BCAS1: variants seen among roughly 807,000 people sequenced by gnomAD.
BCAS1 encodes breast carcinoma-amplified sequence 1.
BCAS1 carries 46 observed loss-of-function variants against 65.4 expected under a neutral mutation model. That is an observed-to-expected ratio of 0.70 (90% CI 0.55 to 0.90). The LOEUF is 0.90. Among genes scored for constraint, BCAS1 ranks in the 40% least tolerant of loss-of-function variants. The pLI, the probability that BCAS1 is intolerant of heterozygous loss-of-function variation, is 0.00. For missense variants in BCAS1, 793 were observed against 771.2 expected, an observed-to-expected ratio of 1.03 and a Z score of -0.33; for synonymous variants, 298 against 293.5, an observed-to-expected ratio of 1.02 and a Z score of -0.16.
At chr20:53,971,809 C>A (rs2090187048) in intron 9 of BCAS1, among the ~76,000 whole-genome samples, 1 of 152,176 alleles carries the variant, frequency 6.6e-6, no homozygotes, top group Non-Finnish European at 1.5e-5. Flanking sequence ...TACCTGTTTC[C>A]ATGGTCTTAC....
intron 5 of BCAS1, among the ~76,000 whole-genome samples, chr20:53,995,628 G>C (rs539482278): frequency 1.3e-5 from 2 of 152,044 alleles, no homozygotes; most frequent in East Asian, 3.9e-4. Context: ...AATTGCAATA[G>C]AATTCCATTA....
At chr20:54,058,965 G>A (rs2092341741) in intron 1 of BCAS1, among the ~76,000 whole-genome samples, 1 of 152,140 alleles carries the variant, frequency 6.6e-6, no homozygotes, top group Non-Finnish European at 1.5e-5. Flanking sequence ...GGAGACCGCA[G>A]GAAACTTACA....
At chr20:54,051,761 G>A (rs1170909775) in intron 3 of BCAS1, among the ~76,000 whole-genome samples, 1 of 147,982 alleles carries the variant, frequency 6.8e-6, no homozygotes, top group Non-Finnish European at 1.5e-5. Context: ...TTGTTGAGAT[G>A]AGGTCTCTGT....
chr20:54,068,028 G>A (rs1438794010), intron 1 of BCAS1, among the ~76,000 whole-genome samples: 8 of 152,204 alleles, frequency 5.3e-5, no homozygotes. Context: ...CCCGCACAGT[G>A]CTAGGAACAC....
At chr20:53,990,967 T>C (rs1243201304) in intron 7 of BCAS1, among the ~76,000 whole-genome samples, 2 of 152,180 alleles carry the variant, frequency 1.3e-5, no homozygotes, top group South Asian at 2.1e-4. Flanking sequence ...AGTGACAAGA[T>C]GGGAGGCCAA....
In BCAS1 at chr20:54,045,560, C is replaced by A. The variant is rs181998591; in HGVS notation, c.142+12525G>T. On this transcript the variant is annotated intron_variant, in intron 3 of 12. Transcript: ENST00000688948. ...TGTTAGACCACATAAATGAGCTAAA[C>A]CTTGCTTGATTTGCAGACATAAGCA... 1.9e-4 allele frequency among the ~76,000 whole-genome samples: 29 copies of A among 152,358 alleles called. 1 individual carries two copies. The highest frequency in any genetic ancestry group is 1.4e-3 in the South Asian group (7 of 4,834).
intron 7 of BCAS1, among the ~76,000 whole-genome samples, chr20:53,990,680 T>G (rs2090733695): frequency 6.6e-6 from 1 of 152,144 alleles, no homozygotes; most frequent in Non-Finnish European, 1.5e-5. Context: ...TTTCCTATCT[T>G]TAGAGACAAC....
chr20:54,067,350 T>C (rs1209144992), intron 1 of BCAS1, among the ~76,000 whole-genome samples: 2 of 140,636 alleles, frequency 1.4e-5, no homozygotes, highest in Non-Finnish European at 3.2e-5. Context: ...CACTCCAGCC[T>C]GAGCGACAGA....
intron 10 of BCAS1, among the ~76,000 whole-genome samples, chr20:53,963,887 T>C (rs1242807544): frequency 6.6e-6 from 1 of 152,196 alleles, no homozygotes; most frequent in African/African-American, 2.4e-5. Context: ...TAGAAGTAAG[T>C]GTGTGAGGAT....
At chr20:53,983,071 T>C in intron 8 of BCAS1, among the ~76,000 whole-genome samples, 1 of 152,274 alleles carries the variant, frequency 6.6e-6, no homozygotes, top group Non-Finnish European at 1.5e-5. Flanking sequence ...ATTCTATCAT[T>C]AGGGAGATGA....
chr20:54,028,281 G>A, intron 4 of BCAS1, 111 bp downstream of exon 4: 1 of 1,091,294 alleles, frequency 9.2e-7, no homozygotes, highest in Non-Finnish European at 1.4e-6. Context: ...GGGGTCAACA[G>A]CTTGCCACCT....
intron 9 of BCAS1, among the ~76,000 whole-genome samples, chr20:53,967,365 C>T (rs2090062353): frequency 6.6e-6 from 1 of 152,130 alleles, no homozygotes; most frequent in Non-Finnish European, 1.5e-5. Flanking sequence ...GCTCAATACC[C>T]AATCAAATCT....
At chr20:54,023,728 C>G (rs908483125) in intron 4 of BCAS1, among the ~76,000 whole-genome samples, 2 of 152,172 alleles carry the variant, frequency 1.3e-5, no homozygotes, top group Non-Finnish European at 2.9e-5. Context: ...TGTGGAAACC[C>G]TTAAATGTCA....
In BCAS1 at chr20:53,985,339, T is replaced by C. The variant is rs1298252030; in HGVS notation, c.1223A>G (p.Lys408Arg). ...TTPEPAKEGT[K>R]EKSGPTSLPL... ...CAGAGAGGTGGGTCCTGATTTCTCC[T>C]TGGTGCCTTCCTTCGCAGGTTCAGG... The change falls in exon 8 of 13, where the codon AAG (lysine) becomes AGG (arginine). Residue 408 changes from lysine to arginine, a missense_variant. Physicochemically the swap from Lys to Arg is conservative, Grantham distance 26. Coordinates refer to ENST00000688948, the MANE Select transcript of BCAS1 (RefSeq NM_001366298.2). 1 of 1,613,956 alleles carries C rather than the reference T, an allele frequency of 6.2e-7. No individual in the cohort carries two copies. Among genetic ancestry groups the C allele is most frequent in the Non-Finnish European group, 8.5e-7 (1 of 1,179,984 alleles).
At chr20:53,998,689 G>A (rs192653830) in intron 4 of BCAS1, among the ~76,000 whole-genome samples, 35 of 152,144 alleles carry the variant, frequency 2.3e-4, no homozygotes, top group African/African-American at 8.2e-4. Context: ...TGCAAATTAC[G>A]TCAACTACTT....
chr20:53,964,020 C>T (rs1235219610), intron 10 of BCAS1, among the ~76,000 whole-genome samples: 1 of 152,216 alleles, frequency 6.6e-6, no homozygotes, highest in Admixed American at 6.5e-5. Flanking sequence ...GGAGACTGCA[C>T]CTGTTTACGC....
intron 6 of BCAS1, 116 bp from the exon 7 acceptor site, chr20:53,992,762 T>A: frequency 2.0e-6 from 2 of 1,000,238 alleles, no homozygotes; most frequent in South Asian, 3.0e-5. Context: ...TGGTACACCA[T>A]CCCCTCTTCT....
intron 4 of BCAS1, among the ~76,000 whole-genome samples, chr20:54,026,148 T>C (rs2091668166): frequency 6.6e-6 from 1 of 152,204 alleles, no homozygotes; most frequent in South Asian, 2.1e-4. Context: ...AATTCACTTA[T>C]TCAGAAAGGA....
intron 4 of BCAS1, among the ~76,000 whole-genome samples, chr20:54,022,784 A>G (rs924134092): frequency 2.0e-5 from 3 of 152,226 alleles, no homozygotes; most frequent in African/African-American, 7.2e-5. Context: ...AAATGGGGCT[A>G]TTATTGTCAT....
Sources: gnomAD v4.1 joint callset for allele counts (sites outside exome capture counted in the v4.1 genomes callset) on GRCh38, gnomAD v4.1.1 for gene constraint, MANE v1.5 for transcripts, NCBI Gene and HGNC (gene_info 2026-07-23, HGNC 2026-07-21) for gene names.